ADCY5: variants seen among roughly 807,000 people sequenced by gnomAD.
ADCY5 encodes the protein adenylate cyclase 5.
In ADCY5, 30 loss-of-function variants were observed where a neutral mutation model predicts 119.7. The ratio of observed to expected loss-of-function variants is 0.25; its 90% CI spans 0.19 to 0.34. The LOEUF (loss-of-function observed/expected upper bound fraction) is 0.34. Among genes scored for constraint, ADCY5 ranks in the 10% least tolerant of loss-of-function variants. The pLI is 1.00. For synonymous variants in ADCY5, 753 were observed against 762.2 expected (o/e 0.99, Z 0.20); for missense variants, 1,324 against 1,775.2 (o/e 0.75, Z 4.57).
intron 3 of ADCY5, among the ~76,000 whole-genome samples, chr3:123,343,721 C>G (rs1942390108): frequency 6.6e-6 from 1 of 152,154 alleles, no homozygotes; most frequent in Non-Finnish European, 1.5e-5. Context: ...GGGGAGGGCA[C>G]AGCTCCCCCA....
At chr3:123,416,055 C>A (rs995302230) in intron 1 of ADCY5, 22 of 1,000,432 alleles carry the variant, frequency 2.2e-5, no homozygotes, top group African/African-American at 3.3e-5. Context: ...ATAAAGTTCC[C>A]ACCTAGGGTC....
intron 1 of ADCY5, among the ~76,000 whole-genome samples, chr3:123,395,106 A>G (rs190799994): frequency 6.6e-6 from 1 of 152,278 alleles, no homozygotes; most frequent in East Asian, 1.9e-4. Flanking sequence ...ACTCTCAAGG[A>G]CATAGACCTC....
chr3:123,413,426 T>A (rs914600978), intron 1 of ADCY5, among the ~76,000 whole-genome samples: 3 of 152,134 alleles, frequency 2.0e-5, no homozygotes, highest in African/African-American at 7.2e-5. Context: ...GGGAGGGAGA[T>A]GCCCCCTCCC....
chr3:123,448,898 G>A lies in ADCY5; in HGVS notation c.-353C>T, dbSNP rs1056647281. 3.2e-5 allele frequency: 7 copies of A among 216,734 alleles called. No homozygotes were observed. The highest frequency in any genetic ancestry group is 3.7e-4 in the South Asian group (2 of 5,462). The allele number at this position is 216,734 out of a possible 1,614,324, so 13.4% of individuals were successfully genotyped here. On this transcript the variant is annotated 5_prime_UTR_variant, in exon 1 of 21. Transcript: ENST00000462833. ...CTCGACGAGGGCCGGAGTTGCGGAC[G>A]AGACGGGACGGAGTGGTGTCCTTGC...
chr3:123,412,373 G>A (rs1945074638), intron 1 of ADCY5, among the ~76,000 whole-genome samples: 1 of 152,158 alleles, frequency 6.6e-6, no homozygotes, highest in Non-Finnish European at 1.5e-5. Flanking sequence ...CGTCCCTGCG[G>A]GCTCTCCCCC....
At chr3:123,363,143 GAAAAAAA>G (rs58854772) in intron 1 of ADCY5, among the ~76,000 whole-genome samples, 16 of 50,090 alleles carry the variant, frequency 3.2e-4, no homozygotes, top group African/African-American at 4.9e-4. Context: ...ATTCCTTCTT[GAAAAAAA>G]AAAAAAAAAA....
In ADCY5 at chr3:123,314,274, G is replaced by A; in HGVS notation, c.2403C>T (p.Thr801=). 1 of 1,613,892 alleles carries A rather than the reference G, an allele frequency of 6.2e-7. No individual in the cohort carries two copies. The highest frequency in any genetic ancestry group is 8.5e-7 in the Non-Finnish European group (1 of 1,179,834). The change falls in exon 12 of 21, where the codon ACC becomes ACT. Residue 801 remains threonine (T), a synonymous_variant. Transcript: ENST00000462833. ...AGATCACAGACACAAACACCACCAA[G>A]GTCAGCAGCAGGGAACAGGTCAGGT... The part of the protein sequence containing the change: ...SFYLTCSLLL[T]LVVFVSVIYS...
chr3:123,291,029 G>A lies in ADCY5; in HGVS notation c.3327+84C>T, dbSNP rs563749570. 238 of 1,483,298 alleles carry A rather than the reference G, an allele frequency of 1.6e-4. 1 individual carries two copies. Among genetic ancestry groups the A allele is most frequent in the Middle Eastern group, 1.5e-3 (6 of 4,130 alleles). 91.9% of individuals were successfully genotyped at this position (1,483,298 alleles called of 1,614,324 possible). On this transcript the variant is annotated intron_variant, in intron 18 of 20. Coordinates refer to ENST00000462833, the MANE Select transcript of ADCY5 (RefSeq NM_183357.3). ...TTATGTCACGATGGTAGAAGGGGGC[G>A]CCAGGTCTCTTCACATCCCTCCCAT...
chr3:123,435,902 A>T (rs1576695896), intron 1 of ADCY5, among the ~76,000 whole-genome samples: 3 of 125,956 alleles, frequency 2.4e-5, no homozygotes, highest in East Asian at 2.3e-4. Flanking sequence ...TATTATTATT[A>T]TTTTCTGAGA....
At chr3:123,336,066 A>G (rs1411097879) in intron 3 of ADCY5, among the ~76,000 whole-genome samples, 1 of 152,234 alleles carries the variant, frequency 6.6e-6, no homozygotes, top group Admixed American at 6.5e-5. Flanking sequence ...GGATGGGCCC[A>G]GAAAATGAAA....
chr3:123,332,748 T>C (rs1224764451), intron 3 of ADCY5, 73 bp from the exon 4 acceptor site: 10 of 978,630 alleles, frequency 1.0e-5, no homozygotes, highest in Non-Finnish European at 1.6e-5. Context: ...ATACATTACA[T>C]CTTTTTTTTC....
chr3:123,424,053 G>A (rs1222789486), intron 1 of ADCY5, among the ~76,000 whole-genome samples: 9 of 152,248 alleles, frequency 5.9e-5, no homozygotes, highest in Admixed American at 5.9e-4. Flanking sequence ...ACATGGTGAG[G>A]CCACCGTCCT....
intron 1 of ADCY5, among the ~76,000 whole-genome samples, chr3:123,424,670 T>G (rs1031693292): frequency 6.6e-6 from 1 of 152,152 alleles, no homozygotes; most frequent in African/African-American, 2.4e-5. Flanking sequence ...ATGACCGTCC[T>G]CCTGATGGCT....
chr3:123,394,516 A>C (rs1378810897), intron 1 of ADCY5, among the ~76,000 whole-genome samples: 1 of 152,172 alleles, frequency 6.6e-6, no homozygotes, highest in Non-Finnish European at 1.5e-5. Flanking sequence ...GTACCTGATA[A>C]CTGTTGGTGT....
chr3:123,337,989 C>T (rs548821456), intron 3 of ADCY5, among the ~76,000 whole-genome samples: 92 of 152,304 alleles, frequency 6.0e-4, no homozygotes, highest in Non-Finnish European at 1.2e-3. Context: ...CGGCCTGTCC[C>T]CCAGCAGACG....
chr3:123,319,044 C>A (rs993826150), intron 10 of ADCY5, among the ~76,000 whole-genome samples: 4 of 152,138 alleles, frequency 2.6e-5, no homozygotes, highest in African/African-American at 7.2e-5. Flanking sequence ...GCCTACTATG[C>A]GACAGATACT....
At chr3:123,288,791 TG>T (rs760047229) in intron 19 of ADCY5, among the ~76,000 whole-genome samples, 1 of 152,254 alleles carries the variant, frequency 6.6e-6, no homozygotes, top group Non-Finnish European at 1.5e-5. Flanking sequence ...AAAGACTTTC[TG>T]AGCAAGAATA....
chr3:123,368,474 G>A (rs1462246203), intron 1 of ADCY5, among the ~76,000 whole-genome samples: 1 of 152,238 alleles, frequency 6.6e-6, no homozygotes, highest in East Asian at 1.9e-4. Context: ...GTGCGCACCT[G>A]TAATCCCAGC....
chr3:123,427,091 G>C (rs1172471007), intron 1 of ADCY5, among the ~76,000 whole-genome samples: 1 of 152,116 alleles, frequency 6.6e-6, no homozygotes, highest in Admixed American at 6.5e-5. Context: ...GGTAACCAAG[G>C]TAGAAAGACA....
Sources: allele counts gnomAD v4.1 joint callset (sites outside exome capture counted in the v4.1 genomes callset), GRCh38; gene constraint gnomAD v4.1.1; transcripts MANE v1.5; gene names NCBI Gene and HGNC (gene_info 2026-07-23, HGNC 2026-07-21).